LDHAL6A: variants seen among roughly 807,000 people sequenced by gnomAD.
LDHAL6A encodes the protein lactate dehydrogenase A like 6A.
LDHAL6A carries 19 observed loss-of-function variants against 28.2 expected under a neutral mutation model. That is an observed-to-expected ratio of 0.67 (90% CI 0.47 to 0.99). The LOEUF (loss-of-function observed/expected upper bound fraction) is 0.99. LDHAL6A is among the 50% of genes least tolerant of loss of function. LDHAL6A has a pLI of 0.00. For missense variants in LDHAL6A, 372 were observed against 398.6 expected (o/e 0.93, Z 0.57); for synonymous variants, 144 against 134.4 (o/e 1.07, Z -0.49).
At chr11:18,478,615 C>T in intron 6 of LDHAL6A, 91 bp from the exon 7 acceptor site, 1 of 1,017,410 alleles carries the variant, frequency 9.8e-7, no homozygotes, top group Non-Finnish European at 1.5e-6. Flanking sequence ...TCGTACTATA[C>T]CAATCTGTTA....
rs766207296 is a variant in LDHAL6A at position 18,456,726 on chromosome 11, G to A, written c.46G>A (p.Glu16Lys). 4.7e-5 allele frequency: 76 copies of A among 1,613,940 alleles called. 3 individuals are homozygous for A. The Middle Eastern group carries it at 9.6e-3, about 203-fold the overall frequency. ...ACTTATTAAGAATTTCGCGGAAGAG[G>A]AGGCCATTCATCACAATAAGATCTC... ...SELIKNFAEE[E>K]AIHHNKISIV... The change falls in exon 1 of 7, where the codon GAG becomes AAG. Residue 16 changes from glutamate (E) to lysine (K), a missense_variant. Transcript: ENST00000280706.
At chr11:18,474,183 A>G (rs1021495015) in intron 3 of LDHAL6A, among the ~76,000 whole-genome samples, 61 of 151,876 alleles carry the variant, frequency 4.0e-4, no homozygotes, top group African/African-American at 1.4e-3. Context: ...GGGTTCAAGC[A>G]ATTTTCTGCC....
chr11:18,476,619 C>T (rs34248982), intron 5 of LDHAL6A, 118 bp downstream of exon 5: 99,129 of 1,459,328 alleles, frequency 0.068, 3,829 homozygotes, highest in Middle Eastern at 0.074. Flanking sequence ...TTTATTTGCA[C>T]TTCTGCTTTT....
chr11:18,478,841 T>C lies in LDHAL6A; in HGVS notation c.970T>C (p.Trp324Arg). 1.9e-6 allele frequency: 3 copies of C among 1,612,920 alleles called. No individual in the cohort carries two copies. The highest frequency in any genetic ancestry group is 2.5e-6 in the Non-Finnish European group (3 of 1,179,814). ...CTTGCAAAAGAGTGCAGAAACACTT[T>C]GGGAAATTCAGAAGGAGCTCAAGCT... is the stretch of plus-strand genomic sequence containing the variant. ...ACLQKSAETL[W>R]EIQKELKL The change falls in exon 7 of 7, where the codon TGG (tryptophan) becomes CGG (arginine). Residue 324 changes from tryptophan (W) to arginine (R), a missense_variant. By Grantham distance (101) the Trp-to-Arg change is moderately radical. Coordinates refer to ENST00000280706, the MANE Select transcript of LDHAL6A (RefSeq NM_144972.5).
chr11:18,464,987 G>GTT (rs1449560278), intron 2 of LDHAL6A, among the ~76,000 whole-genome samples: 2 of 104,352 alleles, frequency 1.9e-5, no homozygotes, highest in Admixed American at 1.0e-4. Flanking sequence ...GTTTTTTTTT[G>GTT]TTTTGTTTTG....
In LDHAL6A at chr11:18,468,054, TATATATAC is replaced by T. The variant is rs1565071793; in HGVS notation, c.418+2252_418+2259del. On this transcript the variant is annotated intron_variant, in intron 3 of 6. Coordinates refer to ENST00000280706, the MANE Select transcript of LDHAL6A (RefSeq NM_144972.5). ...ATATATATACATATATATACGTATA[TATATATAC>T]ATATATATATATATATTTTGCTTGT... Among the ~76,000 whole-genome samples, 91 of 11,818 alleles carry T rather than the reference TATATATAC, an allele frequency of 7.7e-3. 4 individuals are homozygous for T. Among genetic ancestry groups the T allele is most frequent in the South Asian group, 0.016 (6 of 374 alleles). The allele number at this position is 11,818 out of a possible 152,430, so 7.8% of individuals were successfully genotyped here.
In LDHAL6A at chr11:18,465,781, ACT is replaced by A. The variant is rs752518470; in HGVS notation, c.390_391del (p.His130GlnfsTer8). ...CCCAATATTACCCAGTACAGTCCTC[ACT>A]GCAAACTGCTTATTGTTACTAATCC... On this transcript the variant is annotated frameshift_variant, in exon 3 of 7. Coordinates refer to ENST00000280706, the MANE Select transcript of LDHAL6A (RefSeq NM_144972.5). LOFTEE classifies it high-confidence loss of function. 2.7e-5 allele frequency: 43 copies of A among 1,611,196 alleles called. No individual in the cohort carries two copies. Among genetic ancestry groups the A allele is most frequent in the Non-Finnish European group, 3.5e-5 (41 of 1,179,216 alleles).
At position 18,467,862 on chromosome 11, in the gene LDHAL6A, A is replaced by AT. The variant is rs1400726813; in HGVS notation, c.418+2052_418+2053insT. ...AACAGGGCAAGACTGTCTCAAAAAA[A>AT]ATATATATATATACACACATATATA... On this transcript the variant is annotated intron_variant, in intron 3 of 6. Coordinates refer to ENST00000280706, the MANE Select transcript of LDHAL6A (RefSeq NM_144972.5). 9.8e-4 allele frequency among the ~76,000 whole-genome samples: 64 copies of AT among 65,602 alleles called. 2 individuals carry two copies. In the South Asian group the frequency reaches 0.011, roughly 11 times the overall value. 43.0% of individuals were successfully genotyped at this position (65,602 alleles called of 152,430 possible).
In LDHAL6A at chr11:18,456,376, C is replaced by G; in HGVS notation, c.-305C>G. 3.7e-6 allele frequency: 1 copy of G among 273,124 alleles called. No homozygotes were observed. The allele number at this position is 273,124 out of a possible 1,614,324, so 16.9% of individuals were successfully genotyped here. A position where few individuals can be genotyped will look rare whatever the true frequency, so the allele number is the denominator to read the frequency against. Reference sequence around the variant, plus strand: ...CGGAGTGCCGTCCCAGCTGTAGTTTCATGTTTGGTGGAGCAACCCCTGTTC... The same window carrying G: ...CGGAGTGCCGTCCCAGCTGTAGTTTGATGTTTGGTGGAGCAACCCCTGTTC... On this transcript the variant is annotated 5_prime_UTR_variant, in exon 1 of 7. Coordinates refer to ENST00000280706, the MANE Select transcript of LDHAL6A (RefSeq NM_144972.5).
intron 3 of LDHAL6A, among the ~76,000 whole-genome samples, chr11:18,469,482 A>G (rs1395292106): frequency 6.6e-6 from 1 of 152,198 alleles, no homozygotes; most frequent in Non-Finnish European, 1.5e-5. Context: ...TATTTAATTT[A>G]TTGACTAATA....
At chr11:18,465,954 T>G in intron 3 of LDHAL6A, 144 bp downstream of exon 3, 1 of 589,268 alleles carries the variant, frequency 1.7e-6, no homozygotes, top group South Asian at 2.6e-5. Flanking sequence ...CCTAATAGTT[T>G]TTCAGCCCTT....
intron 5 of LDHAL6A, 50 bp from the exon 6 acceptor site, chr11:18,477,570 T>A: frequency 1.3e-6 from 2 of 1,532,996 alleles, no homozygotes; most frequent in East Asian, 2.3e-5. Context: ...AAGTGGAAGT[T>A]CAATGACAAG....
chr11:18,478,926 A>G lies in LDHAL6A; in HGVS notation c.*56A>G, dbSNP rs776102649. 10 of 1,394,600 alleles carry G rather than the reference A, an allele frequency of 7.2e-6. No individual in the cohort carries two copies. The highest frequency in any genetic ancestry group is 2.1e-5 in the Admixed American group (1 of 47,326). The allele number at this position is 1,394,600 out of a possible 1,614,324, so 86.4% of individuals were successfully genotyped here. On this transcript the variant is annotated 3_prime_UTR_variant, in exon 7 of 7. Transcript: ENST00000280706. The stretch of plus-strand genomic sequence containing the variant: ...GATGAAATAGTAGTTATGGAATTGT[A>G]TATGTCAAACTTTTGAATAAATTTG...
At chr11:18,460,950 G>C (rs1848886094) in intron 1 of LDHAL6A, among the ~76,000 whole-genome samples, 1 of 151,998 alleles carries the variant, frequency 6.6e-6, no homozygotes, top group South Asian at 2.1e-4. Flanking sequence ...TGATTCTCCT[G>C]CCTCAGCCTC....
rs137921356 is a variant in LDHAL6A at position 18,471,782 on chromosome 11, AT to A, written c.419-3678del. Among the ~76,000 whole-genome samples the A allele has an allele frequency of 1.3e-3, 193 of 145,832 alleles. 1 individual carries two copies. Among genetic ancestry groups the A allele is most frequent in the South Asian group, 4.1e-3 (19 of 4,628 alleles). ...TCTATTAAAAAAAAAAAAAAAAAAAATTTTTTCCAAAAGAACAAAAATCTAC... is the reference window on the plus strand; with the variant it reads ...TCTATTAAAAAAAAAAAAAAAAAAAATTTTTCCAAAAGAACAAAAATCTAC... On this transcript the variant is annotated intron_variant, in intron 3 of 6. Coordinates refer to ENST00000280706, the MANE Select transcript of LDHAL6A (RefSeq NM_144972.5).
intron 3 of LDHAL6A, among the ~76,000 whole-genome samples, chr11:18,473,247 A>C (rs1310683129): frequency 6.6e-6 from 1 of 152,232 alleles, no homozygotes; most frequent in East Asian, 1.9e-4. Context: ...CAGTTTTAGT[A>C]AACAAAATAA....
At chr11:18,464,973 T>G (rs990435953) in intron 2 of LDHAL6A, among the ~76,000 whole-genome samples, 109 of 7,634 alleles carry the variant, frequency 0.014, 8 homozygotes, top group African/African-American at 3.6e-4. Context: ...GAGGTGTTTT[T>G]TTTGTTTTTT....
chr11:18,477,614 C>G lies in LDHAL6A; in HGVS notation c.711-6C>G, dbSNP rs972619719. The G allele has an allele frequency of 4.0e-5, 64 of 1,600,082 alleles. No homozygotes were observed. The highest frequency in any genetic ancestry group is 5.1e-5 in the Non-Finnish European group (60 of 1,175,930). On this transcript the variant is annotated splice_polypyrimidine_tract_variant and splice_region_variant and intron_variant, in intron 5 of 6. Transcript: ENST00000280706. ...AACTTATGTTTATGGTTTCTTCTAT[C>G]TACAGTGGCTATGAGATGGTCAAAA... is the stretch of plus-strand genomic sequence containing the variant.
rs904113051 is a variant in LDHAL6A, at chr11:18,475,802, C to G, written c.592+163C>G. 8 of 516,928 alleles carry G rather than the reference C, an allele frequency of 1.5e-5. No individual in the cohort carries two copies. The African/African-American group carries it at 1.6e-4, about 10-fold the overall frequency. 32.0% of individuals were successfully genotyped at this position (516,928 alleles called of 1,614,324 possible). Reference sequence around the variant, plus strand: ...CCACACTTATTTTTAAAATAACCAACAAAAAATACAGATTTGAAAAATGTG... The same window carrying G: ...CCACACTTATTTTTAAAATAACCAAGAAAAAATACAGATTTGAAAAATGTG... On this transcript the variant is annotated intron_variant, in intron 4 of 6. Transcript: ENST00000280706.
Sources: gnomAD v4.1 joint callset for allele counts (sites outside exome capture counted in the v4.1 genomes callset) on GRCh38, gnomAD v4.1.1 for gene constraint, MANE v1.5 for transcripts, NCBI Gene and HGNC (gene_info 2026-07-23, HGNC 2026-07-21) for gene names.